Variants in NFATC3 observed in about 807,000 individuals in gnomAD.
The protein encoded by NFATC3 is nuclear factor of activated T-cells, cytoplasmic 3.
A neutral mutation model predicts 98.6 loss-of-function variants in NFATC3; 46 were observed. That is an observed-to-expected ratio of 0.47 (90% CI 0.37 to 0.60). NFATC3 has a LOEUF of 0.60. Ranked by LOEUF, NFATC3 falls within the 20% of genes least tolerant of loss-of-function variation. The pLI is 0.00. For missense variants in NFATC3, 1,256 were observed against 1,295.5 expected (o/e 0.97, Z 0.47); for synonymous variants, 512 against 472.2 (o/e 1.08, Z -1.09).
At chr16:68,146,696 A>G (rs751961145) in intron 3 of NFATC3, among the ~76,000 whole-genome samples, 11 of 152,208 alleles carry the variant, frequency 7.2e-5, no homozygotes, top group Non-Finnish European at 1.5e-4. Context: ...CTCTTATTGA[A>G]GTTGCTGTAG....
At chr16:68,128,417 A>T (rs2036950967) in intron 3 of NFATC3, among the ~76,000 whole-genome samples, 2 of 152,156 alleles carry the variant, frequency 1.3e-5, no homozygotes, top group African/African-American at 4.8e-5. Flanking sequence ...AAATGAATTT[A>T]TTTCATTTTG....
intron 1 of NFATC3, among the ~76,000 whole-genome samples, chr16:68,117,808 A>G (rs1475539039): frequency 6.6e-6 from 1 of 152,162 alleles, no homozygotes; most frequent in African/African-American, 2.4e-5. Context: ...GTGAGCCACC[A>G]TGTCCGGCCC....
At chr16:68,185,680 G>A (rs1354854470) in intron 8 of NFATC3, among the ~76,000 whole-genome samples, 10 of 151,950 alleles carry the variant, frequency 6.6e-5, no homozygotes, top group East Asian at 3.9e-4. Context: ...TTGAGACCAC[G>A]GTGAAACCCC....
At chr16:68,170,494 C>G (rs187457033) in intron 5 of NFATC3, among the ~76,000 whole-genome samples, 1 of 131,050 alleles carries the variant, frequency 7.6e-6, no homozygotes, top group Non-Finnish European at 1.6e-5. Context: ...TCTGGCTGTT[C>G]TTTTTTTTTT....
At chr16:68,144,790 T>C (rs1164087869) in intron 3 of NFATC3, among the ~76,000 whole-genome samples, 2 of 152,114 alleles carry the variant, frequency 1.3e-5, no homozygotes, top group African/African-American at 4.8e-5. Context: ...TACGAGTAGC[T>C]GGGATTACAG....
intron 8 of NFATC3, among the ~76,000 whole-genome samples, chr16:68,187,631 G>A (rs149766817): frequency 6.6e-6 from 1 of 152,180 alleles, no homozygotes; most frequent in African/African-American, 2.4e-5. Context: ...AGGTTGTCCT[G>A]TTGTCTTCTC....
chr16:68,129,277 A>G (rs963039417), intron 3 of NFATC3, among the ~76,000 whole-genome samples: 2 of 152,164 alleles, frequency 1.3e-5, no homozygotes, highest in Non-Finnish European at 1.5e-5. Flanking sequence ...AACAAAGACA[A>G]AACAGCTGAG....
intron 5 of NFATC3, 111 bp from the exon 6 acceptor site, chr16:68,174,263 A>G (rs2039591876): frequency 4.7e-6 from 4 of 845,284 alleles, no homozygotes; most frequent in Non-Finnish European, 6.6e-6. Context: ...ATGAATCCCA[A>G]AATTTGCTTC....
chr16:68,150,667 T>C (rs1228767086), intron 3 of NFATC3, among the ~76,000 whole-genome samples: 3 of 152,120 alleles, frequency 2.0e-5, no homozygotes, highest in African/African-American at 4.8e-5. Context: ...AAAATAAATA[T>C]ATAAACTAAA....
intron 6 of NFATC3, among the ~76,000 whole-genome samples, chr16:68,176,271 C>T (rs1469511220): frequency 3.3e-5 from 5 of 152,144 alleles, no homozygotes; most frequent in African/African-American, 4.8e-5. Flanking sequence ...CTACCGCACC[C>T]GGCTGTAACC....
intron 2 of NFATC3, among the ~76,000 whole-genome samples, chr16:68,123,539 G>A (rs2036662356): frequency 6.6e-6 from 1 of 150,972 alleles, no homozygotes; most frequent in Admixed American, 6.6e-5. Flanking sequence ...AGTGATGTCT[G>A]CCTGTAGTCC....
intron 5 of NFATC3, among the ~76,000 whole-genome samples, chr16:68,167,810 CTTTTTTTTTTTTTTTTTTTTTTTT>C (rs35302776): frequency 1.1e-3 from 27 of 23,922 alleles, no homozygotes; most frequent in South Asian, 2.0e-3. Flanking sequence ...CGTATGTGTT[CTTTTTTTTTTTTTTTTTTTTTTTT>C]TTTTTTTTTT....
Position 68,191,398 on chromosome 16 carries a change from T to A in NFATC3, c.2729T>A (p.Leu910Ter). The change falls in exon 9 of 10, where the codon TTA (leucine) becomes TAA (stop). Residue 910 changes from leucine to a stop codon, truncating the protein, a stop_gained. Coordinates refer to ENST00000346183, the MANE Select transcript of NFATC3 (RefSeq NM_173165.3). LOFTEE classifies it high-confidence loss of function. ...ATTACAGGTCAGCCTTCGTCTCAGTTACAACCTATTACATATGGTCCTTCA... is the reference window on the plus strand; with the variant it reads ...ATTACAGGTCAGCCTTCGTCTCAGTAACAACCTATTACATATGGTCCTTCA... ...DQITGQPSSQ[L>*]QPITYGPSHS... The A allele has an allele frequency of 6.2e-7, 1 of 1,614,174 alleles. No homozygotes were observed.
chr16:68,087,834 C>T (rs1321239915), intron 1 of NFATC3, among the ~76,000 whole-genome samples: 1 of 152,100 alleles, frequency 6.6e-6, no homozygotes, highest in Non-Finnish European at 1.5e-5. Flanking sequence ...TACCTCATTC[C>T]TTTCTATGGC....
chr16:68,142,002 C>A (rs1338319890), intron 3 of NFATC3, among the ~76,000 whole-genome samples: 3 of 152,148 alleles, frequency 2.0e-5, no homozygotes, highest in African/African-American at 7.2e-5. Context: ...GACAGGGATC[C>A]AGTTTCATTC....
intron 9 of NFATC3, among the ~76,000 whole-genome samples, chr16:68,217,464 CAAAA>C (rs68079157): frequency 8.9e-3 from 400 of 44,926 alleles, no homozygotes; most frequent in African/African-American, 0.031. Context: ...GTCTCTGTCT[CAAAA>C]AAAAAAAAAA....
intron 1 of NFATC3, chr16:68,089,353 T>C: frequency 1.1e-6 from 1 of 887,094 alleles, no homozygotes; most frequent in Non-Finnish European, 1.4e-6. Flanking sequence ...GACGACTGAC[T>C]TTTTAAGACT....
rs2040410774 is a variant in NFATC3, at chr16:68,191,378, A to T, written c.2709A>T (p.Thr903=). 1.9e-6 allele frequency: 3 copies of T among 1,614,180 alleles called. No homozygotes were observed. The highest frequency in any genetic ancestry group is 1.7e-6 in the Non-Finnish European group (2 of 1,180,016). The change falls in exon 9 of 10, where the codon ACA becomes ACT. Residue 903 remains threonine (T), a synonymous_variant. Coordinates refer to ENST00000346183, the MANE Select transcript of NFATC3 (RefSeq NM_173165.3). The stretch of plus-strand genomic sequence containing the variant: ...CTTCTCCAGTGGCTGACCAGATTAC[A>T]GGTCAGCCTTCGTCTCAGTTACAAC... ...SLSSPVADQI[T]GQPSSQLQPI...
chr16:68,163,133 A>G (rs952390831), intron 4 of NFATC3, among the ~76,000 whole-genome samples: 1 of 152,080 alleles, frequency 6.6e-6, no homozygotes, highest in African/African-American at 2.4e-5. Flanking sequence ...TCCCATGTCT[A>G]CCTCTTTCTA....
Sources: gnomAD v4.1 joint callset for allele counts (sites outside exome capture counted in the v4.1 genomes callset) on GRCh38, gnomAD v4.1.1 for gene constraint, MANE v1.5 for transcripts, NCBI Gene and HGNC (gene_info 2026-07-23, HGNC 2026-07-21) for gene names.